The following SLC30A8 variants were observed in gnomAD, a reference collection of about 807,000 sequenced individuals.
SLC30A8 encodes the protein solute carrier family 30 member 8.
In SLC30A8, 27 loss-of-function variants were observed where a neutral mutation model predicts 36.9. That is an observed-to-expected ratio of 0.73 (90% CI 0.54 to 1.01). The LOEUF (loss-of-function observed/expected upper bound fraction) is 1.01, where lower values mean the gene tolerates loss of function less well. Ranked by LOEUF, SLC30A8 falls within the 50% of genes least tolerant of loss-of-function variation. SLC30A8 has a pLI of 0.00. For synonymous variants in SLC30A8, 164 were observed against 172.4 expected (o/e 0.95, Z 0.38); for missense variants, 439 against 452.0 (o/e 0.97, Z 0.26).
intron 2 of SLC30A8, among the ~76,000 whole-genome samples, chr8:117,054,814 A>G (rs994372970): frequency 4.6e-5 from 7 of 152,200 alleles, no homozygotes; most frequent in African/African-American, 1.7e-4. Flanking sequence ...GACAAAAACC[A>G]TGAGCTACCA....
rs186011508 is a variant in SLC30A8, at chr8:117,170,938, T to C, written c.830-96T>C. ...AGAAACCAGCAAAGGGATGAACACA[T>C]TGAAATTTTGGTGAGGACTTTGCAG... On this transcript the variant is annotated intron_variant, in intron 6 of 7. Transcript: ENST00000456015. 57 of 1,066,000 alleles carry C rather than the reference T, an allele frequency of 5.3e-5. 1 individual carries two copies. The highest frequency in any genetic ancestry group is 6.5e-5 in the Non-Finnish European group (48 of 741,112). 66.0% of individuals were successfully genotyped at this position (1,066,000 alleles called of 1,614,324 possible). A position where few individuals can be genotyped will look rare whatever the true frequency, so the allele number is the denominator to read the frequency against.
chr8:117,085,609 A>G (rs555266568), intron 2 of SLC30A8, among the ~76,000 whole-genome samples: 2 of 152,320 alleles, frequency 1.3e-5, no homozygotes, highest in South Asian at 4.1e-4. Context: ...TATCAACAGC[A>G]TAATAACTTT....
intron 1 of SLC30A8, among the ~76,000 whole-genome samples, chr8:117,032,388 T>C (rs1563756509): frequency 6.6e-6 from 1 of 152,276 alleles, no homozygotes; most frequent in East Asian, 1.9e-4. Flanking sequence ...GCCAAATGAA[T>C]AAAAAGGTGT....
chr8:117,032,891 T>TA (rs1178864382), intron 1 of SLC30A8, among the ~76,000 whole-genome samples: 2,731 of 141,304 alleles, frequency 0.019, 68 homozygotes, highest in African/African-American at 0.061. Context: ...ACTCTGTCTT[T>TA]AAAAAAAAAA....
chr8:116,958,819 A>G (rs1814308190), intron 1 of SLC30A8, among the ~76,000 whole-genome samples: 1 of 135,078 alleles, frequency 7.4e-6, no homozygotes, highest in African/African-American at 2.8e-5. Context: ...AAGTTGTCCT[A>G]TAGCCCACTG....
At chr8:117,162,273 A>AT (rs1046341783) in intron 5 of SLC30A8, among the ~76,000 whole-genome samples, 19 of 151,744 alleles carry the variant, frequency 1.3e-4, no homozygotes, top group African/African-American at 4.6e-4. Context: ...GTCTCAACAA[A>AT]TTTTTTTTTC....
intron 1 of SLC30A8, among the ~76,000 whole-genome samples, chr8:117,011,146 A>G (rs888293271): frequency 6.6e-6 from 1 of 152,250 alleles, no homozygotes; most frequent in African/African-American, 2.4e-5. Flanking sequence ...AGAAATAGCC[A>G]TAAGAACAGG....
chr8:116,984,889 G>C (rs1348371780), intron 1 of SLC30A8, among the ~76,000 whole-genome samples: 1 of 150,692 alleles, frequency 6.6e-6, no homozygotes, highest in African/African-American at 2.4e-5. Context: ...TTTTCTTTTT[G>C]AATTGTGCTT....
intron 2 of SLC30A8, chr8:117,055,752 G>A (rs536473234): frequency 1.6e-4 from 25 of 152,306 alleles, no homozygotes; most frequent in African/African-American, 5.5e-4. Context: ...GAATTTACAC[G>A]TGTATGTCCT....
chr8:117,151,237 C>CTAA (rs1432623500), intron 2 of SLC30A8, among the ~76,000 whole-genome samples: 11 of 152,292 alleles, frequency 7.2e-5, no homozygotes, highest in African/African-American at 2.6e-4. Flanking sequence ...CTCTCTGATC[C>CTAA]CTTAGCCCAT....
intron 1 of SLC30A8, chr8:117,018,229 C>T (rs1271837291): frequency 6.6e-6 from 1 of 151,902 alleles, no homozygotes; most frequent in Admixed American, 6.6e-5. Context: ...GCCTCAGCAA[C>T]GTAGTGAGAC....
intron 1 of SLC30A8, among the ~76,000 whole-genome samples, chr8:117,019,635 G>A (rs1397246669): frequency 6.6e-6 from 1 of 152,108 alleles, no homozygotes; most frequent in Non-Finnish European, 1.5e-5. Context: ...TATTTTGGTC[G>A]CAGTAGTAAT....
At chr8:117,129,219 G>A (rs1821034871) in intron 2 of SLC30A8, among the ~76,000 whole-genome samples, 2 of 152,156 alleles carry the variant, frequency 1.3e-5, no homozygotes, top group African/African-American at 4.8e-5. Flanking sequence ...GGATGTGTTT[G>A]AGCAGACAAT....
At chr8:116,977,141 C>CTTTTTTTTTTTTTTTTTT (rs71305451) in intron 1 of SLC30A8, among the ~76,000 whole-genome samples, 24 of 59,088 alleles carry the variant, frequency 4.1e-4, no homozygotes, top group East Asian at 1.2e-3. Context: ...CTTTTTCTTG[C>CTTTTTTTTTTTTTTTTTT]TTTTTTTTTT....
At chr8:116,971,810 C>T (rs1299225370) in intron 1 of SLC30A8, among the ~76,000 whole-genome samples, 1 of 152,126 alleles carries the variant, frequency 6.6e-6, no homozygotes, top group African/African-American at 2.4e-5. Context: ...ATGCAAATGC[C>T]TCACCGTCAT....
chr8:116,990,378 C>T (rs1815592553), intron 1 of SLC30A8, among the ~76,000 whole-genome samples: 1 of 152,026 alleles, frequency 6.6e-6, no homozygotes, highest in South Asian at 2.1e-4. Flanking sequence ...GGTTATCCTC[C>T]CCAGTGATGA....
chr8:117,017,642 C>T (rs972253622), intron 1 of SLC30A8, among the ~76,000 whole-genome samples: 8 of 152,226 alleles, frequency 5.3e-5, no homozygotes, highest in Admixed American at 2.6e-4. Context: ...AGGAAAGAAG[C>T]GAATACAACA....
At chr8:116,998,852 G>C (rs1274354333) in intron 1 of SLC30A8, among the ~76,000 whole-genome samples, 1 of 152,216 alleles carries the variant, frequency 6.6e-6, no homozygotes. Context: ...CCTTCGGAGG[G>C]AGTATGGCCT....
chr8:117,145,738 C>A (rs970274476), intron 1 of SLC30A8, among the ~76,000 whole-genome samples: 1 of 152,142 alleles, frequency 6.6e-6, no homozygotes, highest in African/African-American at 2.4e-5. Flanking sequence ...AGAAGAAACA[C>A]TGAGCTTGGG....
Sources: gnomAD v4.1 joint callset for allele counts (sites outside exome capture counted in the v4.1 genomes callset) on GRCh38, gnomAD v4.1.1 for gene constraint, MANE v1.5 for transcripts, NCBI Gene and HGNC (gene_info 2026-07-23, HGNC 2026-07-21) for gene names.